The following CCBE1 variants were observed in gnomAD, a reference collection of about 807,000 sequenced individuals.
CCBE1 encodes the protein collagen and calcium-binding EGF domain-containing protein 1.
Under a neutral mutation model 50.0 loss-of-function variants are expected in CCBE1, and 37 were observed. That is an observed-to-expected ratio of 0.74 (90% CI 0.57 to 0.97). CCBE1 has a LOEUF of 0.97. Among genes scored for constraint, CCBE1 ranks in the 50% least tolerant of loss-of-function variants. The pLI is 0.00. For synonymous variants in CCBE1, 234 were observed against 203.7 expected (o/e 1.15, Z -1.27); for missense variants, 538 against 523.8 (o/e 1.03, Z -0.26).
intron 2 of CCBE1, among the ~76,000 whole-genome samples, chr18:59,510,439 G>C (rs1255449139): frequency 6.9e-6 from 1 of 144,822 alleles, no homozygotes; most frequent in Non-Finnish European, 1.5e-5. Flanking sequence ...TTTTTTTTTT[G>C]AGATGGAGTT....
intron 2 of CCBE1, among the ~76,000 whole-genome samples, chr18:59,646,079 G>C (rs1206282459): frequency 6.6e-6 from 1 of 152,028 alleles, no homozygotes; most frequent in Non-Finnish European, 1.5e-5. Flanking sequence ...CAGTTTAAAA[G>C]GTGTAGAGAA....
At chr18:59,461,787 C>T (rs1262298172) in intron 5 of CCBE1, among the ~76,000 whole-genome samples, 1 of 136,914 alleles carries the variant, frequency 7.3e-6, no homozygotes. Context: ...AAGCCAAGTG[C>T]AATGGTGTGA....
intron 2 of CCBE1, among the ~76,000 whole-genome samples, chr18:59,571,929 C>G (rs941651742): frequency 6.6e-5 from 10 of 152,186 alleles, no homozygotes; most frequent in Admixed American, 6.5e-4. Flanking sequence ...TGTTTAGACA[C>G]AGTTCACCCT....
intron 2 of CCBE1, among the ~76,000 whole-genome samples, chr18:59,602,392 A>G (rs2053444745): frequency 6.6e-6 from 1 of 152,120 alleles, no homozygotes; most frequent in South Asian, 2.1e-4. Context: ...TTTTCCTTCT[A>G]TCAATTCATT....
intron 2 of CCBE1, among the ~76,000 whole-genome samples, chr18:59,581,174 C>T (rs894041597): frequency 3.3e-5 from 5 of 152,066 alleles, no homozygotes; most frequent in Admixed American, 1.3e-4. Context: ...CATGTGGCCT[C>T]GGCTCTCTTG....
intron 2 of CCBE1, among the ~76,000 whole-genome samples, chr18:59,488,092 G>T (rs1912907807): frequency 6.6e-6 from 1 of 152,190 alleles, no homozygotes; most frequent in South Asian, 2.1e-4. Flanking sequence ...CAACACAAAA[G>T]GAGAAATACG....
intron 2 of CCBE1, among the ~76,000 whole-genome samples, chr18:59,585,881 A>C (rs1181830275): frequency 6.6e-6 from 1 of 152,222 alleles, no homozygotes; most frequent in African/African-American, 2.4e-5. Flanking sequence ...CATGTATTTC[A>C]ACTACTATTT....
chr18:59,583,026 C>T (rs2053108657), intron 2 of CCBE1, among the ~76,000 whole-genome samples: 1 of 151,942 alleles, frequency 6.6e-6, no homozygotes, highest in Admixed American at 6.6e-5. Flanking sequence ...TCTATGTTGC[C>T]CAGGCTAGTC....
intron 2 of CCBE1, among the ~76,000 whole-genome samples, chr18:59,668,714 G>T (rs2054390060): frequency 6.6e-6 from 1 of 151,564 alleles, no homozygotes; most frequent in South Asian, 2.1e-4. Flanking sequence ...TTCTAGACAT[G>T]GATTTCTCAC....
At chr18:59,582,318 T>C (rs2053096976) in intron 2 of CCBE1, among the ~76,000 whole-genome samples, 1 of 152,214 alleles carries the variant, frequency 6.6e-6, no homozygotes, top group South Asian at 2.1e-4. Flanking sequence ...CCTGAAACCA[T>C]GCCACTTCCA....
chr18:59,617,311 T>C (rs1261407799), intron 2 of CCBE1, among the ~76,000 whole-genome samples: 2 of 152,220 alleles, frequency 1.3e-5, no homozygotes, highest in African/African-American at 2.4e-5. Context: ...TGATAACAAA[T>C]GCAAATTCGA....
chr18:59,495,508 C>A (rs1467967741), intron 2 of CCBE1, among the ~76,000 whole-genome samples: 1 of 151,408 alleles, frequency 6.6e-6, no homozygotes, highest in East Asian at 1.9e-4. Flanking sequence ...CTGACTAGCT[C>A]TTCCCTTTTT....
chr18:59,525,225 C>T lies in CCBE1; in HGVS notation c.213-44987G>A, dbSNP rs114790683. On this transcript the variant is annotated intron_variant, in intron 2 of 10. Transcript: ENST00000439986. ...GAAAGCATTCCTCTCTTTCCACATC[C>T]TTGCCAGCATCTGTTATTTCTTGAC... Among the ~76,000 whole-genome samples, 208 of 152,318 alleles carry T rather than the reference C, an allele frequency of 1.4e-3. 1 individual carries two copies. The highest frequency in any genetic ancestry group is 4.7e-3 in the African/African-American group (197 of 41,576).
At chr18:59,610,992 G>T (rs2053561821) in intron 2 of CCBE1, among the ~76,000 whole-genome samples, 1 of 152,242 alleles carries the variant, frequency 6.6e-6, no homozygotes, top group Non-Finnish European at 1.5e-5. Context: ...GGTACACTCA[G>T]CTTCCTGAAT....
intron 2 of CCBE1, among the ~76,000 whole-genome samples, chr18:59,485,714 G>A (rs1247423094): frequency 1.3e-5 from 2 of 151,798 alleles, no homozygotes; most frequent in African/African-American, 4.8e-5. Flanking sequence ...AGGTACAAGC[G>A]ATTCTCCTGC....
chr18:59,447,978 C>G lies in CCBE1; in HGVS notation c.775+5G>C, dbSNP rs1910759092. ...TCACCCTCCTGTGCCCTCTTCCACA[C>G]TCACCGGGAGGGCCCTGGCCCCCAG... On this transcript the variant is annotated splice_donor_5th_base_variant and intron_variant, in intron 7 of 10. Transcript: ENST00000439986. 6.2e-7 allele frequency: 1 copy of G among 1,614,026 alleles called. No homozygotes were observed. Among genetic ancestry groups the G allele is most frequent in the Admixed American group, 1.7e-5 (1 of 60,004 alleles).
At chr18:59,615,183 G>C (rs1015211308) in intron 2 of CCBE1, among the ~76,000 whole-genome samples, 1 of 152,168 alleles carries the variant, frequency 6.6e-6, no homozygotes, top group Non-Finnish European at 1.5e-5. Flanking sequence ...CTTCCACTCC[G>C]TGGAAGTGAC....
At chr18:59,491,623 G>C (rs1913101061) in intron 2 of CCBE1, among the ~76,000 whole-genome samples, 2 of 152,068 alleles carry the variant, frequency 1.3e-5, no homozygotes, top group South Asian at 4.2e-4. Context: ...AGACCTGCCT[G>C]GGCAACATGG....
chr18:59,676,275 T>C (rs1275638959), intron 2 of CCBE1, among the ~76,000 whole-genome samples: 2 of 152,240 alleles, frequency 1.3e-5, no homozygotes, highest in African/African-American at 4.8e-5. Flanking sequence ...CTTTGTTCTC[T>C]TGGGCACTGT....
Sources: gnomAD v4.1 joint callset for allele counts (sites outside exome capture counted in the v4.1 genomes callset) on GRCh38, gnomAD v4.1.1 for gene constraint, MANE v1.5 for transcripts, NCBI Gene and HGNC (gene_info 2026-07-23, HGNC 2026-07-21) for gene names.